GNAL: variants seen among roughly 807,000 people sequenced by gnomAD.
The protein encoded by GNAL is guanine nucleotide-binding protein G(olf) subunit alpha.
GNAL carries 18 observed loss-of-function variants against 55.1 expected under a neutral mutation model. The observed-to-expected ratio is 0.33, with a 90% CI of 0.23 to 0.48. The LOEUF is 0.48. GNAL is among the 20% of genes least tolerant of loss of function. GNAL has a pLI of 0.99. For missense variants in GNAL, 412 were observed against 614.1 expected (o/e 0.67, Z 3.48); for synonymous variants, 253 against 237.0 (o/e 1.07, Z -0.62).
Position 11,752,564 on chromosome 18 carries a change from G to T in GNAL, c.377-289G>T. 1 of 1,610,152 alleles carries T rather than the reference G, an allele frequency of 6.2e-7. No individual in the cohort carries two copies. Among genetic ancestry groups the T allele is most frequent in the Non-Finnish European group, 8.5e-7 (1 of 1,178,574 alleles). ...CGCCTGGCTTACAAGGCTACCCACCGCCTGCTGCTCCTGGGTAAGGCCGAG... is the reference window on the plus strand; with the variant it reads ...CGCCTGGCTTACAAGGCTACCCACCTCCTGCTGCTCCTGGGTAAGGCCGAG... On this transcript the variant is annotated intron_variant, in intron 1 of 11. Coordinates refer to ENST00000334049, the MANE Select transcript of GNAL (RefSeq NM_182978.4). The surrounding 1 kb of genome is among the most constrained non-coding windows in gnomAD (Gnocchi z 4.5).
intron 1 of GNAL, among the ~76,000 whole-genome samples, chr18:11,743,728 G>A (rs1274340188): frequency 1.3e-5 from 2 of 152,232 alleles, no homozygotes; most frequent in African/African-American, 2.4e-5. Context: ...ATGCTGCTAG[G>A]CTATTTGAGG....
At chr18:11,829,532 T>TA (rs1235417138) in intron 5 of GNAL, among the ~76,000 whole-genome samples, 6 of 152,158 alleles carry the variant, frequency 3.9e-5, no homozygotes, top group Middle Eastern at 3.2e-3. Flanking sequence ...CGTCACTTCA[T>TA]AAAAGAAAGG....
intron 4 of GNAL, among the ~76,000 whole-genome samples, chr18:11,788,914 A>AAAAAAAAAAAAAAATAT (rs60071996): frequency 3.6e-5 from 2 of 56,302 alleles, no homozygotes; most frequent in Non-Finnish European, 5.8e-5. Context: ...AAAAAAAAAA[A>AAAAAAAAAAAAAAATAT]ATATATATAT....
chr18:11,801,245 A>G (rs1440956937), intron 4 of GNAL, among the ~76,000 whole-genome samples: 1 of 152,220 alleles, frequency 6.6e-6, no homozygotes, highest in East Asian at 1.9e-4. Context: ...AATGAAACAT[A>G]ATAAATCAAT....
rs1360545325 is a variant in GNAL at position 11,751,229 on chromosome 18, T to C, written c.377-1624T>C. 6.6e-6 allele frequency among the ~76,000 whole-genome samples: 1 copy of C among 152,070 alleles called. No individual in the cohort carries two copies. Among genetic ancestry groups the C allele is most frequent in the African/African-American group, 2.4e-5 (1 of 41,422 alleles). On this transcript the variant is annotated intron_variant, in intron 1 of 11. Coordinates refer to ENST00000334049, the MANE Select transcript of GNAL (RefSeq NM_182978.4). This position sits in a 1 kb window ranked among gnomAD's most constrained non-coding sequence, Gnocchi z 4.5. ...GGCCCGGCCCCCTCTTCTGACCTCC[T>C]TCCCCCAAGTACAACACTGCAAACG... is the stretch of plus-strand genomic sequence containing the variant.
intron 1 of GNAL, among the ~76,000 whole-genome samples, chr18:11,710,792 A>G (rs2031818606): frequency 1.3e-5 from 2 of 152,100 alleles, no homozygotes; most frequent in Admixed American, 1.3e-4. Context: ...CTTTTATGTG[A>G]CAAGTTCCTT....
At chr18:11,841,657 AAAAAAG>A (rs1427053901) in intron 5 of GNAL, among the ~76,000 whole-genome samples, 28 of 151,934 alleles carry the variant, frequency 1.8e-4, no homozygotes, top group African/African-American at 4.1e-4. Context: ...AAAAAAAAAA[AAAAAAG>A]AAAGAAAGAA....
At position 11,879,480 on chromosome 18, in the gene GNAL, C is replaced by G. The variant is rs575218581; in HGVS notation, c.1231-1509C>G. Among the ~76,000 whole-genome samples, 11 of 152,274 alleles carry G rather than the reference C, an allele frequency of 7.2e-5. No individual in the cohort carries two copies. In the South Asian group the frequency reaches 2.3e-3, roughly 32 times the overall value. On this transcript the variant is annotated intron_variant, in intron 11 of 11. Transcript: ENST00000334049. Reference sequence around the variant, plus strand: ...TCTCACAGCTCTGGAGGCTGGAAGTCTGAAATCAAGGTGCGGGGTCTTCCC... The same window carrying G: ...TCTCACAGCTCTGGAGGCTGGAAGTGTGAAATCAAGGTGCGGGGTCTTCCC...
intron 5 of GNAL, among the ~76,000 whole-genome samples, chr18:11,837,104 C>T (rs150029709): frequency 0.044 from 6,673 of 152,228 alleles, 224 homozygotes; most frequent in Middle Eastern, 0.085. Context: ...CAGGCACATG[C>T]CACCACGCCC....
At chr18:11,755,097 T>C (rs1230206102) in intron 4 of GNAL, among the ~76,000 whole-genome samples, 1 of 152,142 alleles carries the variant, frequency 6.6e-6, no homozygotes, top group Non-Finnish European at 1.5e-5. Flanking sequence ...GAGACATTTT[T>C]CATTCTTAGA....
intron 8 of GNAL, 97 bp downstream of exon 8, chr18:11,867,323 TATGTA>T (rs2036285368): frequency 1.3e-6 from 1 of 776,234 alleles, no homozygotes; most frequent in Non-Finnish European, 2.3e-6. Flanking sequence ...CTCTAACTAA[TATGTA>T]AAGTATAGCA....
intron 4 of GNAL, among the ~76,000 whole-genome samples, chr18:11,807,483 C>A (rs1045836993): frequency 2.5e-4 from 38 of 152,296 alleles, no homozygotes; most frequent in African/African-American, 9.1e-4. Flanking sequence ...CCTTAAAGAT[C>A]ACAGGGATGT....
intron 11 of GNAL, 127 bp from the exon 12 acceptor site, chr18:11,880,862 G>C: frequency 1.1e-6 from 1 of 922,640 alleles, no homozygotes; most frequent in Non-Finnish European, 1.7e-6. Flanking sequence ...CTGCCTCTAA[G>C]TGCTCCCATG....
intron 1 of GNAL, among the ~76,000 whole-genome samples, chr18:11,703,617 G>T (rs1040433578): frequency 3.9e-5 from 6 of 152,220 alleles, no homozygotes; most frequent in African/African-American, 1.4e-4. Context: ...TAAAAAGCAT[G>T]CCGAGCTGTG....
chr18:11,801,213 A>G (rs186937832), intron 4 of GNAL, among the ~76,000 whole-genome samples: 19 of 152,290 alleles, frequency 1.2e-4, no homozygotes, highest in African/African-American at 2.4e-5. Flanking sequence ...AGCTTATAGT[A>G]TAGGGGGTGA....
chr18:11,806,918 C>T (rs1028134301), intron 4 of GNAL, among the ~76,000 whole-genome samples: 2 of 152,076 alleles, frequency 1.3e-5, no homozygotes, highest in South Asian at 4.1e-4. Flanking sequence ...CCGCCCGCCT[C>T]GGCCTCCCAC....
intron 1 of GNAL, among the ~76,000 whole-genome samples, chr18:11,726,217 T>C (rs1227122678): frequency 6.6e-6 from 1 of 152,258 alleles, no homozygotes; most frequent in Non-Finnish European, 1.5e-5. Context: ...TGTTGGCTGT[T>C]GACTTTCCCT....
Position 11,689,813 on chromosome 18 carries a change from G to T in GNAL, c.250G>T (p.Glu84Ter), listed in dbSNP as rs771151753. Reference sequence around the variant, plus strand: ...GCAGCGCACCGAGCAGCTGAGTGCCGAGGAGCGCGAGGCGGCCAAGGAGCG... The same window carrying T: ...GCAGCGCACCGAGCAGCTGAGTGCCTAGGAGCGCGAGGCGGCCAAGGAGCG... ...KRQRTEQLSA[E>*]EREAAKEREA... Residue 84 changes from glutamate (E) to a stop codon, truncating the protein, a stop_gained, in exon 1 of 12, where the codon GAG becomes TAG. Coordinates refer to ENST00000334049, the MANE Select transcript of GNAL (RefSeq NM_182978.4). LOFTEE classifies it high-confidence loss of function. 2.0e-6 allele frequency: 3 copies of T among 1,537,556 alleles called. No individual in the cohort carries two copies. The highest frequency in any genetic ancestry group is 2.6e-5 in the East Asian group (1 of 38,200).
intron 1 of GNAL, 95 bp downstream of exon 1, chr18:11,690,034 G>A (rs892696346): frequency 2.9e-6 from 2 of 687,082 alleles, no homozygotes; most frequent in Non-Finnish European, 4.0e-6. Flanking sequence ...GGGCACCGGG[G>A]AGCGGCGGCG....
Sources: allele counts gnomAD v4.1 joint callset (sites outside exome capture counted in the v4.1 genomes callset), GRCh38; gene constraint gnomAD v4.1.1; non-coding constraint Gnocchi (gnomAD v3.1); transcripts MANE v1.5; gene names NCBI Gene and HGNC (gene_info 2026-07-23, HGNC 2026-07-21).